EBF2: variants seen among roughly 807,000 people sequenced by gnomAD.
The protein encoded by EBF2 is transcription factor COE2.
Under a neutral mutation model 72.8 loss-of-function variants are expected in EBF2, and 21 were observed. The observed-to-expected ratio is 0.29, with a 90% CI of 0.20 to 0.42. EBF2 has a LOEUF of 0.42. EBF2 is among the 10% of genes least tolerant of loss of function. The pLI, the probability that EBF2 is intolerant of heterozygous loss-of-function variation, is 1.00. For missense variants in EBF2, 637 were observed against 731.2 expected (o/e 0.87, Z 1.49); for synonymous variants, 299 against 274.2 (o/e 1.09, Z -0.89).
chr8:25,845,107 C>T (rs557083361), intron 15 of EBF2, among the ~76,000 whole-genome samples: 1 of 152,166 alleles, frequency 6.6e-6, no homozygotes, highest in Admixed American at 6.5e-5. Flanking sequence ...ATCTATCCTT[C>T]ACTTCTTTGG....
At chr8:25,949,063 T>A (rs1330534973) in intron 6 of EBF2, among the ~76,000 whole-genome samples, 1 of 152,248 alleles carries the variant, frequency 6.6e-6, no homozygotes, top group African/African-American at 2.4e-5. Flanking sequence ...CAATACCATT[T>A]ATTGAATGCC....
At chr8:25,943,890 G>A (rs1803722074) in intron 6 of EBF2, among the ~76,000 whole-genome samples, 1 of 152,084 alleles carries the variant, frequency 6.6e-6, no homozygotes, top group African/African-American at 2.4e-5. Flanking sequence ...TAATCCCCAA[G>A]ACTGCCCTGA....
At chr8:25,924,305 C>T (rs557622198) in intron 6 of EBF2, among the ~76,000 whole-genome samples, 4 of 152,256 alleles carry the variant, frequency 2.6e-5, no homozygotes, top group African/African-American at 4.8e-5. Context: ...ATGTTCCTAC[C>T]GTAAAATCAG....
chr8:25,856,164 T>C (rs947613740), intron 14 of EBF2, among the ~76,000 whole-genome samples: 2 of 152,190 alleles, frequency 1.3e-5, no homozygotes, highest in African/African-American at 2.4e-5. Context: ...TCCTCTCCTT[T>C]CTTCTCCATC....
At chr8:25,968,664 G>C (rs1804149100) in intron 6 of EBF2, among the ~76,000 whole-genome samples, 1 of 152,232 alleles carries the variant, frequency 6.6e-6, no homozygotes, top group Non-Finnish European at 1.5e-5. Flanking sequence ...CTGGGTTCAA[G>C]TGATTTTCTT....
chr8:25,904,396 T>C (rs376468812), intron 7 of EBF2, among the ~76,000 whole-genome samples: 22 of 151,562 alleles, frequency 1.5e-4, no homozygotes, highest in African/African-American at 5.1e-4. Flanking sequence ...TCTGATTGGA[T>C]GATTTTTGTA....
rs1385794073 is a variant in EBF2 at position 26,044,489 on chromosome 8, AGAG to A, written c.131+237_131+239del. On this transcript the variant is annotated intron_variant, in intron 1 of 15. Coordinates refer to ENST00000520164, the MANE Select transcript of EBF2 (RefSeq NM_022659.4). This position sits in a 1 kb window ranked among gnomAD's most constrained non-coding sequence, Gnocchi z 4.1. ...TGCAAAGAGTGGACTGTGGTAAAGG[AGAG>A]GGAGAGAAACGCCTACGACCCAGGC... Among the ~76,000 whole-genome samples, 1 of 152,192 alleles carries A rather than the reference AGAG, an allele frequency of 6.6e-6. No individual in the cohort carries two copies. The highest frequency in any genetic ancestry group is 1.5e-5 in the Non-Finnish European group (1 of 68,036).
chr8:25,848,870 C>T (rs564144965), intron 15 of EBF2, among the ~76,000 whole-genome samples: 5 of 152,232 alleles, frequency 3.3e-5, no homozygotes, highest in Non-Finnish European at 7.4e-5. Flanking sequence ...TGAATAAAAC[C>T]AGAGAACTTA....
chr8:25,908,976 G>A (rs1459865428), intron 6 of EBF2, among the ~76,000 whole-genome samples: 2 of 152,166 alleles, frequency 1.3e-5, no homozygotes, highest in Non-Finnish European at 2.9e-5. Context: ...GCTCTCCACT[G>A]GCCCCAGACA....
At chr8:25,968,585 G>A (rs1378484791) in intron 6 of EBF2, among the ~76,000 whole-genome samples, 2 of 152,074 alleles carry the variant, frequency 1.3e-5, no homozygotes, top group Admixed American at 6.6e-5. Context: ...TGCTTCAGAT[G>A]GATTCTCACT....
intron 6 of EBF2, among the ~76,000 whole-genome samples, chr8:25,942,311 A>C (rs539099011): frequency 1.1e-4 from 17 of 152,384 alleles, no homozygotes; most frequent in Non-Finnish European, 1.2e-4. Context: ...CATAATGCAT[A>C]GTGATCAAGT....
chr8:26,043,232 G>A (rs1282123133), intron 1 of EBF2, among the ~76,000 whole-genome samples: 2 of 152,246 alleles, frequency 1.3e-5, no homozygotes, highest in Non-Finnish European at 2.9e-5. Context: ...ACTTGGGGCT[G>A]AGGTGAACGC....
chr8:26,032,324 A>G (rs985332236), intron 6 of EBF2: 1 of 152,242 alleles, frequency 6.6e-6, no homozygotes, highest in Admixed American at 6.5e-5. Flanking sequence ...TGGTCTCTCC[A>G]ATCCATTTCA....
At chr8:25,943,793 C>A (rs1803719589) in intron 6 of EBF2, among the ~76,000 whole-genome samples, 1 of 152,162 alleles carries the variant, frequency 6.6e-6, no homozygotes, top group African/African-American at 2.4e-5. Flanking sequence ...AAAACACTAT[C>A]AAAGGGGCTT....
At chr8:25,975,991 G>C (rs117625883) in intron 6 of EBF2, among the ~76,000 whole-genome samples, 297 of 152,132 alleles carry the variant, frequency 2.0e-3, no homozygotes, top group Non-Finnish European at 3.0e-3. Flanking sequence ...GAACTTCTTC[G>C]ATAGGATTCA....
intron 6 of EBF2, among the ~76,000 whole-genome samples, chr8:26,012,686 C>T (rs769435429): frequency 3.5e-4 from 54 of 152,188 alleles, no homozygotes; most frequent in Non-Finnish European, 7.1e-4. Flanking sequence ...GCCTCTAAGA[C>T]ATTTTCCATA....
At chr8:25,994,251 G>C (rs1804588049) in intron 6 of EBF2, among the ~76,000 whole-genome samples, 1 of 152,048 alleles carries the variant, frequency 6.6e-6, no homozygotes, top group Admixed American at 6.6e-5. Context: ...AATTATATTA[G>C]TCTGGATATA....
chr8:25,877,341 T>C (rs958199853), intron 10 of EBF2, among the ~76,000 whole-genome samples: 1 of 152,194 alleles, frequency 6.6e-6, no homozygotes, highest in African/African-American at 2.4e-5. Flanking sequence ...CCTCTCCGCC[T>C]AGGCTAGCAT....
chr8:26,030,104 A>G (rs1280235377), intron 6 of EBF2, among the ~76,000 whole-genome samples: 1 of 151,956 alleles, frequency 6.6e-6, no homozygotes, highest in Non-Finnish European at 1.5e-5. Flanking sequence ...TAGAGATGGG[A>G]TCCCACTATG....
Sources: allele counts gnomAD v4.1 joint callset (sites outside exome capture counted in the v4.1 genomes callset), GRCh38; gene constraint gnomAD v4.1.1; non-coding constraint Gnocchi (gnomAD v3.1); transcripts MANE v1.5; gene names NCBI Gene and HGNC (gene_info 2026-07-23, HGNC 2026-07-21).